GPR158: variants seen among roughly 807,000 people sequenced by gnomAD.
GPR158 encodes metabotropic glycine receptor.
A neutral mutation model predicts 78.2 loss-of-function variants in GPR158; 30 were observed. That is an observed-to-expected ratio of 0.38 (90% CI 0.29 to 0.52). The LOEUF (loss-of-function observed/expected upper bound fraction) is 0.52, where lower values mean the gene tolerates loss of function less well. Among genes scored for constraint, GPR158 ranks in the 20% least tolerant of loss-of-function variants. GPR158 has a pLI of 0.83. For synonymous variants in GPR158, 581 were observed against 591.1 expected, an observed-to-expected ratio of 0.98 and a Z score of 0.25; for missense variants, 1,463 against 1,523.5, an observed-to-expected ratio of 0.96 and a Z score of 0.66.
intron 2 of GPR158, among the ~76,000 whole-genome samples, chr10:25,226,320 C>T (rs1245067420): frequency 1.3e-5 from 2 of 152,242 alleles, no homozygotes; most frequent in African/African-American, 2.4e-5. Flanking sequence ...ACTGCTCTGC[C>T]GTAGGATATA....
At chr10:25,266,791 T>G (rs1287353568) in intron 2 of GPR158, among the ~76,000 whole-genome samples, 2 of 152,176 alleles carry the variant, frequency 1.3e-5, no homozygotes, top group African/African-American at 4.8e-5. Context: ...ATAAATATTT[T>G]TTTATGATGA....
intron 3 of GPR158, among the ~76,000 whole-genome samples, chr10:25,411,163 A>G (rs1308449634): frequency 6.6e-6 from 1 of 151,214 alleles, no homozygotes; most frequent in African/African-American, 2.4e-5. Context: ...CATCTTAACT[A>G]TTAAAGATAA....
intron 7 of GPR158, among the ~76,000 whole-genome samples, chr10:25,577,203 GT>G (rs1283898577): frequency 6.6e-6 from 1 of 152,080 alleles, no homozygotes; most frequent in Non-Finnish European, 1.5e-5. Context: ...AGCTCTATAA[GT>G]AACATGTTTT....
At chr10:25,291,157 A>G (rs1276105452) in intron 2 of GPR158, among the ~76,000 whole-genome samples, 1 of 152,084 alleles carries the variant, frequency 6.6e-6, no homozygotes, top group Admixed American at 6.6e-5. Context: ...ATAGCTTACA[A>G]AGAAATCCAC....
intron 2 of GPR158, among the ~76,000 whole-genome samples, chr10:25,387,655 A>C (rs1363481796): frequency 6.6e-6 from 1 of 151,888 alleles, no homozygotes; most frequent in Non-Finnish European, 1.5e-5. Context: ...AGCTGGGACT[A>C]CAGGCACACG....
At chr10:25,394,281 C>T (rs887443053) in intron 2 of GPR158, among the ~76,000 whole-genome samples, 3 of 152,178 alleles carry the variant, frequency 2.0e-5, no homozygotes, top group Non-Finnish European at 4.4e-5. Flanking sequence ...GACAGTAAGG[C>T]TCAGAGATGT....
rs550472941 is a variant in GPR158 at position 25,520,372 on chromosome 10, C to A, written c.1405-30604C>A. 6.4e-3 allele frequency among the ~76,000 whole-genome samples: 949 copies of A among 147,778 alleles called. 25 individuals carry two copies. Among genetic ancestry groups the A allele is most frequent in the African/African-American group, 0.022 (867 of 38,656 alleles). On this transcript the variant is annotated intron_variant, in intron 5 of 10. Transcript: ENST00000376351. ...ATCATCTGAAGCCTTCTTCTCTCAG[C>A]TCGTCAAAGTCATTCTCCATCCAGC...
chr10:25,213,328 A>C (rs983250464), intron 1 of GPR158, among the ~76,000 whole-genome samples: 13 of 152,160 alleles, frequency 8.5e-5, no homozygotes, highest in African/African-American at 2.9e-4. Flanking sequence ...TTCTATTTGT[A>C]GTTTGCCATT....
rs758169330 is a variant in GPR158 at position 25,533,390 on chromosome 10, TTA to T, written c.1405-17578_1405-17577del. On this transcript the variant is annotated intron_variant, in intron 5 of 10. Transcript: ENST00000376351. ...CAGTTTCTACAAGAAAAACCTGGAC[TTA>T]TATATATTTTAAACCATTATAGTTG... Among the ~76,000 whole-genome samples the T allele has an allele frequency of 6.6e-5, 10 of 152,170 alleles. No individual in the cohort carries two copies. In the East Asian group the frequency reaches 9.7e-4, roughly 15 times the overall value.
chr10:25,243,909 CAT>C (rs1853657202), intron 2 of GPR158, among the ~76,000 whole-genome samples: 2 of 152,144 alleles, frequency 1.3e-5, no homozygotes, highest in South Asian at 4.2e-4. Context: ...ATACAGAAGA[CAT>C]AACAATTATG....
chr10:25,554,443 A>G (rs1034762570), intron 6 of GPR158, among the ~76,000 whole-genome samples: 7 of 152,130 alleles, frequency 4.6e-5, no homozygotes, highest in South Asian at 4.1e-4. Context: ...TGGGTCTCTC[A>G]CTAATTGATT....
chr10:25,239,046 G>A (rs1008735273), intron 2 of GPR158, among the ~76,000 whole-genome samples: 2 of 152,182 alleles, frequency 1.3e-5, no homozygotes, highest in African/African-American at 4.8e-5. Flanking sequence ...TCATCTACTT[G>A]TTGGGGGAGG....
intron 6 of GPR158, among the ~76,000 whole-genome samples, chr10:25,570,768 T>G (rs1450325656): frequency 6.6e-6 from 1 of 152,024 alleles, no homozygotes; most frequent in East Asian, 1.9e-4. Flanking sequence ...AATATAAAAA[T>G]TAGCCAGGCA....
chr10:25,533,896 C>T (rs1009240675), intron 5 of GPR158, among the ~76,000 whole-genome samples: 2 of 152,188 alleles, frequency 1.3e-5, no homozygotes, highest in Admixed American at 1.3e-4. Flanking sequence ...AATTCCTTAA[C>T]TTTGCCTCAG....
chr10:25,232,010 T>C (rs1853455328), intron 2 of GPR158, among the ~76,000 whole-genome samples: 1 of 152,094 alleles, frequency 6.6e-6, no homozygotes, highest in African/African-American at 2.4e-5. Flanking sequence ...CACCAAAGGA[T>C]GTGAACTCAA....
chr10:25,321,713 C>A (rs1854950741), intron 2 of GPR158, among the ~76,000 whole-genome samples: 1 of 152,056 alleles, frequency 6.6e-6, no homozygotes, highest in Non-Finnish European at 1.5e-5. Context: ...TGCTTATATA[C>A]CCTTTGGCCA....
At chr10:25,408,918 G>A (rs1215777483) in intron 3 of GPR158, among the ~76,000 whole-genome samples, 1 of 152,150 alleles carries the variant, frequency 6.6e-6, no homozygotes, top group African/African-American at 2.4e-5. Context: ...CACAAGATGT[G>A]AGAACCTGCT....
intron 2 of GPR158, among the ~76,000 whole-genome samples, chr10:25,371,610 A>C (rs958108677): frequency 1.1e-4 from 16 of 144,298 alleles, no homozygotes; most frequent in Admixed American, 3.5e-4. Flanking sequence ...TGGGGAAAGG[A>C]TTCCCTATTT....
At chr10:25,245,823 T>C (rs1853682322) in intron 2 of GPR158, among the ~76,000 whole-genome samples, 1 of 152,182 alleles carries the variant, frequency 6.6e-6, no homozygotes, top group South Asian at 2.1e-4. Context: ...CAATACTTAA[T>C]CTTGAAAACA....
Sources: gnomAD v4.1 joint callset for allele counts (sites outside exome capture counted in the v4.1 genomes callset) on GRCh38, gnomAD v4.1.1 for gene constraint, MANE v1.5 for transcripts, NCBI Gene and HGNC (gene_info 2026-07-23, HGNC 2026-07-21) for gene names.